LRRC4C: variants seen among roughly 807,000 people sequenced by gnomAD.
LRRC4C encodes leucine rich repeat containing 4C, also known as leucine-rich repeat-containing protein 4C.
A neutral mutation model predicts 33.6 loss-of-function variants in LRRC4C; 5 were observed. The ratio of observed to expected loss-of-function variants is 0.15; its 90% CI spans 0.08 to 0.31. The LOEUF (loss-of-function observed/expected upper bound fraction) is 0.31, where lower values mean the gene tolerates loss of function less well. LRRC4C is among the 10% of genes least tolerant of loss of function. The probability of loss-of-function intolerance (pLI) is 1.00; values close to 1 mark genes in which losing one functional copy is unlikely to be tolerated. For synonymous variants in LRRC4C, 329 were observed against 302.0 expected (o/e 1.09, Z -0.93); for missense variants, 560 against 796.7 (o/e 0.70, Z 3.58).
At chr11:41,398,308 G>A (rs1953897496) in intron 1 of LRRC4C, among the ~76,000 whole-genome samples, 1 of 151,794 alleles carries the variant, frequency 6.6e-6, no homozygotes, top group African/African-American at 2.4e-5. Context: ...TACCTTGCAG[G>A]GTGTGAATGT....
chr11:40,141,543 T>C (rs1055962965), intron 5 of LRRC4C, among the ~76,000 whole-genome samples: 12 of 152,054 alleles, frequency 7.9e-5, no homozygotes, highest in Non-Finnish European at 1.8e-4. Flanking sequence ...CTTCCAACCT[T>C]GGAAATATAG....
chr11:40,964,411 G>A (rs1443793590), intron 1 of LRRC4C, among the ~76,000 whole-genome samples: 1 of 151,654 alleles, frequency 6.6e-6, no homozygotes, highest in Admixed American at 6.6e-5. Flanking sequence ...GGCTACATGT[G>A]CACAACGTGC....
At chr11:40,630,852 G>C (rs1342686720) in intron 3 of LRRC4C, among the ~76,000 whole-genome samples, 3 of 152,122 alleles carry the variant, frequency 2.0e-5, no homozygotes, top group African/African-American at 4.8e-5. Context: ...GTAAGACATA[G>C]AGAGTTTTAT....
intron 1 of LRRC4C, among the ~76,000 whole-genome samples, chr11:41,066,494 G>A (rs1397757906): frequency 6.6e-6 from 1 of 152,164 alleles, no homozygotes; most frequent in Non-Finnish European, 1.5e-5. Context: ...AAACACACTT[G>A]AGGATATTAT....
Position 40,787,295 on chromosome 11 carries a change from G to T in LRRC4C, c.-406-139017C>A, listed in dbSNP as rs77974679. On this transcript the variant is annotated intron_variant, in intron 2 of 6. Transcript: ENST00000528697. ...TAGGGGGAGGAACAGAGGGAACAAG[G>T]GAGGAGAAAGGGATCTGACTAGTCT... 7.7e-3 allele frequency among the ~76,000 whole-genome samples: 1,176 copies of T among 152,274 alleles called. 12 individuals are homozygous for T. Among genetic ancestry groups the T allele is most frequent in the African/African-American group, 0.027 (1,132 of 41,548 alleles).
At chr11:41,293,493 G>A (rs1718827603) in intron 1 of LRRC4C, among the ~76,000 whole-genome samples, 1 of 152,080 alleles carries the variant, frequency 6.6e-6, no homozygotes, top group African/African-American at 2.4e-5. Flanking sequence ...TTTGCCCTGT[G>A]TAGGTTAATA....
At position 40,369,101 on chromosome 11, in the gene LRRC4C, C is replaced by T. The variant is rs1020210803; in HGVS notation, c.-269-49380G>A. On this transcript the variant is annotated intron_variant, in intron 3 of 6. Coordinates refer to ENST00000528697, the MANE Select transcript of LRRC4C (RefSeq NM_001258419.2). ...CACTCAATGTTTATCTATTGATAAC[C>T]TGTCAGGTACCAAGTGTGGATCTAG... Among the ~76,000 whole-genome samples, 3 of 152,244 alleles carry T rather than the reference C, an allele frequency of 2.0e-5. 1 individual carries two copies. The South Asian group carries it at 6.2e-4, about 32-fold the overall frequency.
At chr11:40,151,724 G>A (rs187202021) in intron 5 of LRRC4C, among the ~76,000 whole-genome samples, 3 of 152,160 alleles carry the variant, frequency 2.0e-5, no homozygotes, top group Non-Finnish European at 2.9e-5. Flanking sequence ...AATATAGCTG[G>A]AAGCCTATAC....
At chr11:41,372,140 G>A (rs1341223367) in intron 1 of LRRC4C, among the ~76,000 whole-genome samples, 1 of 152,138 alleles carries the variant, frequency 6.6e-6, no homozygotes, top group African/African-American at 2.4e-5. Context: ...GCGAGACTCC[G>A]TCTCAATAAA....
chr11:40,829,645 C>T (rs186188879), intron 2 of LRRC4C, among the ~76,000 whole-genome samples: 9 of 152,026 alleles, frequency 5.9e-5, no homozygotes, highest in East Asian at 1.9e-4. Flanking sequence ...TCGTCCAAAT[C>T]GAGGTCTGTG....
intron 1 of LRRC4C, chr11:41,426,275 G>A (rs2138373369): frequency 6.6e-6 from 1 of 152,254 alleles, no homozygotes; most frequent in African/African-American, 2.4e-5. Context: ...TATAGCTTTT[G>A]ATGCCTCATG....
At chr11:41,250,647 G>A (rs1247817301) in intron 1 of LRRC4C, among the ~76,000 whole-genome samples, 1 of 152,106 alleles carries the variant, frequency 6.6e-6, no homozygotes, top group East Asian at 1.9e-4. Flanking sequence ...TAGCTTCTGT[G>A]AATCCATAAG....
intron 2 of LRRC4C, among the ~76,000 whole-genome samples, chr11:40,914,326 A>C (rs1565198077): frequency 6.6e-6 from 1 of 152,176 alleles, no homozygotes; most frequent in Non-Finnish European, 1.5e-5. Flanking sequence ...GAATCCAGCA[A>C]CACATCAAAA....
intron 2 of LRRC4C, among the ~76,000 whole-genome samples, chr11:40,776,686 T>G (rs936809153): frequency 3.3e-5 from 5 of 152,094 alleles, no homozygotes; most frequent in African/African-American, 7.2e-5. Context: ...ATTTTTGGTT[T>G]GGTTAACTTA....
At chr11:41,455,968 T>C (rs1956160171) in intron 1 of LRRC4C, among the ~76,000 whole-genome samples, 1 of 152,164 alleles carries the variant, frequency 6.6e-6, no homozygotes, top group Non-Finnish European at 1.5e-5. Context: ...CAAATGGAGA[T>C]GCAGATAATT....
intron 3 of LRRC4C, among the ~76,000 whole-genome samples, chr11:40,609,288 T>C (rs1407383491): frequency 6.6e-6 from 1 of 151,606 alleles, no homozygotes; most frequent in Non-Finnish European, 1.5e-5. Context: ...CTACAAATAA[T>C]GGAAATTAAG....
At chr11:40,641,521 C>G (rs541933250) in intron 3 of LRRC4C, among the ~76,000 whole-genome samples, 2 of 152,284 alleles carry the variant, frequency 1.3e-5, no homozygotes, top group South Asian at 2.1e-4. Context: ...TGAATATTCA[C>G]TATTAGGAAG....
At chr11:41,079,659 T>C (rs563543356) in intron 1 of LRRC4C, among the ~76,000 whole-genome samples, 3 of 152,316 alleles carry the variant, frequency 2.0e-5, no homozygotes, top group African/African-American at 7.2e-5. Context: ...TAGTAAAATA[T>C]GAAAGCTTAG....
intron 1 of LRRC4C, among the ~76,000 whole-genome samples, chr11:41,177,708 C>A (rs1199213382): frequency 6.6e-6 from 1 of 152,132 alleles, no homozygotes; most frequent in Non-Finnish European, 1.5e-5. Flanking sequence ...ACTAGAAATT[C>A]TAATTTAAGC....
Sources: gnomAD v4.1 joint callset for allele counts (sites outside exome capture counted in the v4.1 genomes callset) on GRCh38, gnomAD v4.1.1 for gene constraint, MANE v1.5 for transcripts, NCBI Gene and HGNC (gene_info 2026-07-23, HGNC 2026-07-21) for gene names.